NAPEPLD: variants seen among roughly 807,000 people sequenced by gnomAD.
NAPEPLD encodes the protein N-acyl phosphatidylethanolamine phospholipase D.
A neutral mutation model predicts 38.1 loss-of-function variants in NAPEPLD; 23 were observed. That is an observed-to-expected ratio of 0.60 (90% CI 0.43 to 0.86). NAPEPLD has a LOEUF of 0.86. Among genes scored for constraint, NAPEPLD ranks in the 40% least tolerant of loss-of-function variants. The pLI is 0.00. For synonymous variants in NAPEPLD, 147 were observed against 162.0 expected, an observed-to-expected ratio of 0.91 and a Z score of 0.71; for missense variants, 411 against 476.8, an observed-to-expected ratio of 0.86 and a Z score of 1.28.
At chr7:103,105,932 C>CAAAAA (rs1194781765) in intron 4 of NAPEPLD, among the ~76,000 whole-genome samples, 8 of 49,966 alleles carry the variant, frequency 1.6e-4, no homozygotes, top group African/African-American at 3.1e-4. Context: ...GACTCCGTCT[C>CAAAAA]AAAAAAAAAA....
intron 2 of NAPEPLD, among the ~76,000 whole-genome samples, chr7:103,121,297 T>C (rs967913320): frequency 6.6e-6 from 1 of 152,168 alleles, no homozygotes; most frequent in African/African-American, 2.4e-5. Flanking sequence ...AGTGGTAAGG[T>C]TGCAGCATCA....
rs1802398575 is a variant in NAPEPLD, at chr7:103,101,555, T to C, written c.*1874A>G. The C allele has an allele frequency of 6.6e-6, 1 of 152,654 alleles. No individual in the cohort carries two copies. Among genetic ancestry groups the C allele is most frequent in the Non-Finnish European group, 1.5e-5 (1 of 68,042 alleles). The allele number at this position is 152,654 out of a possible 1,614,324, so 9.5% of individuals were successfully genotyped here. A position where few individuals can be genotyped will look rare whatever the true frequency, so the allele number is the denominator to read the frequency against. On this transcript the variant is annotated 3_prime_UTR_variant, in exon 5 of 5. Coordinates refer to ENST00000465647, the MANE Select transcript of NAPEPLD (RefSeq NM_001122838.3). ...TTTAGCTTTCAAATATACCTGTCTATATTAGGCAGTGATATCTTAAGAAAT... is the reference window on the plus strand; with the variant it reads ...TTTAGCTTTCAAATATACCTGTCTACATTAGGCAGTGATATCTTAAGAAAT...
intron 2 of NAPEPLD, among the ~76,000 whole-genome samples, chr7:103,121,245 T>C (rs1283895180): frequency 6.6e-6 from 1 of 152,150 alleles, no homozygotes; most frequent in Non-Finnish European, 1.5e-5. Flanking sequence ...TATCCCTTGG[T>C]TATTCTACAT....
At chr7:103,125,915 AAT>A (rs1491529794) in intron 2 of NAPEPLD, among the ~76,000 whole-genome samples, 1 of 143,158 alleles carries the variant, frequency 7.0e-6, no homozygotes. Flanking sequence ...TAATAATAAT[AAT>A]AATAAATAAA....
At chr7:103,117,553 T>C (rs1009708757) in intron 3 of NAPEPLD, among the ~76,000 whole-genome samples, 4 of 152,246 alleles carry the variant, frequency 2.6e-5, no homozygotes, top group South Asian at 4.1e-4. Context: ...AAGCATATTA[T>C]TGAAAGTTGT....
chr7:103,120,210 T>A lies in NAPEPLD; in HGVS notation c.308A>T (p.Glu103Val). 2 of 1,613,080 alleles carry A rather than the reference T, an allele frequency of 1.2e-6. No individual in the cohort carries two copies. Among genetic ancestry groups the A allele is most frequent in the Middle Eastern group, 1.7e-4 (1 of 6,008 alleles). Residue 103 changes from glutamate (E) to valine (V), a missense_variant, in exon 3 of 5, where the codon GAA becomes GTA. Glu to Val is a moderately radical substitution (Grantham distance 121, BLOSUM62 -2). Transcript: ENST00000465647. ...AAAATATGGCTTAAGCACTGGGAGT[T>A]CTTTGTCTAGTTCCTTTGTGTATAA... ...VPSSKEELDK[E>V]LPVLKPYFIT...
intron 1 of NAPEPLD, among the ~76,000 whole-genome samples, chr7:103,139,437 C>T (rs934572998): frequency 6.6e-6 from 1 of 152,162 alleles, no homozygotes; most frequent in African/African-American, 2.4e-5. Context: ...TAAGGCATTT[C>T]CAAAACATAC....
Position 103,100,674 on chromosome 7 carries a change from AT to A in NAPEPLD, c.*2754del, listed in dbSNP as rs1322073937. 1 of 152,260 alleles carries A rather than the reference AT, an allele frequency of 6.6e-6. No homozygotes were observed. The highest frequency in any genetic ancestry group is 1.9e-4 in the East Asian group (1 of 5,204). 9.4% of individuals were successfully genotyped at this position (152,260 alleles called of 1,614,324 possible). A position where few individuals can be genotyped will look rare whatever the true frequency, so the allele number is the denominator to read the frequency against. On this transcript the variant is annotated 3_prime_UTR_variant, in exon 5 of 5. Transcript: ENST00000465647. ...GAGGAAAATGAAGTTGACTTAGAGG[AT>A]AAGACTGATTAAAAGACACTACAAT...
At position 103,099,777 on chromosome 7, in the gene NAPEPLD, A is replaced by T. The variant is rs921948388; in HGVS notation, c.*3652T>A. On this transcript the variant is annotated 3_prime_UTR_variant, in exon 5 of 5. Coordinates refer to ENST00000465647, the MANE Select transcript of NAPEPLD (RefSeq NM_001122838.3). ...AAAAATCACTTACAAGGTTATACATATTTTTTCCCTTGACAGTACTTTATT... is the reference window on the plus strand; with the variant it reads ...AAAAATCACTTACAAGGTTATACATTTTTTTTCCCTTGACAGTACTTTATT... 2.0e-5 allele frequency: 3 copies of T among 151,820 alleles called. No homozygotes were observed. The highest frequency in any genetic ancestry group is 3.2e-3 in the Middle Eastern group (1 of 316). The allele number at this position is 151,820 out of a possible 1,614,324, so 9.4% of individuals were successfully genotyped here.
In NAPEPLD at chr7:103,103,488, A is replaced by T. The variant is rs1475993368; in HGVS notation, c.1123T>A (p.Phe375Ile). The T allele has an allele frequency of 1.3e-6, 2 of 1,599,214 alleles. No homozygotes were observed. Among genetic ancestry groups the T allele is most frequent in the Non-Finnish European group, 1.7e-6 (2 of 1,176,318 alleles). ...GATTCTCCATGCTTCAAGACAAAAA[A>T]ATCTTCAGCGTTAAGTCCGTATCTC... is the stretch of plus-strand genomic sequence containing the variant. ...LERYGLNAED[F>I]FVLKHGESRY... The change falls in exon 5 of 5, where the codon TTT becomes ATT. Residue 375 changes from phenylalanine (F) to isoleucine (I), a missense_variant. Coordinates refer to ENST00000465647, the MANE Select transcript of NAPEPLD (RefSeq NM_001122838.3).
chr7:103,135,083 G>A (rs1162878325), intron 1 of NAPEPLD, among the ~76,000 whole-genome samples: 1 of 152,168 alleles, frequency 6.6e-6, no homozygotes, highest in African/African-American at 2.4e-5. Context: ...AAATTATGAA[G>A]CGGCAAATCA....
chr7:103,115,444 G>A (rs972568042), intron 3 of NAPEPLD: 1 of 297,780 alleles, frequency 3.4e-6, no homozygotes, highest in East Asian at 6.0e-5. Flanking sequence ...TACACTTTCT[G>A]CTGAAAAATA....
intron 3 of NAPEPLD, among the ~76,000 whole-genome samples, chr7:103,116,954 C>G (rs116685356): frequency 6.6e-6 from 1 of 152,192 alleles, no homozygotes; most frequent in Non-Finnish European, 1.5e-5. Flanking sequence ...TCTCCCAAAA[C>G]AGTAAACAAA....
At chr7:103,110,980 G>C (rs1465100218) in intron 4 of NAPEPLD, among the ~76,000 whole-genome samples, 1 of 152,148 alleles carries the variant, frequency 6.6e-6, no homozygotes, top group African/African-American at 2.4e-5. Flanking sequence ...CAGGCAAAGA[G>C]TCAAATCATG....
At chr7:103,106,677 G>A (rs540498614) in intron 4 of NAPEPLD, among the ~76,000 whole-genome samples, 128 of 151,680 alleles carry the variant, frequency 8.4e-4, no homozygotes, top group East Asian at 1.4e-3. Context: ...CAGCAAGGCC[G>A]CTGCAGCCAG....
At chr7:103,142,632 A>T (rs1811660144) in intron 1 of NAPEPLD, among the ~76,000 whole-genome samples, 1 of 152,070 alleles carries the variant, frequency 6.6e-6, no homozygotes, top group Admixed American at 6.5e-5. Context: ...ACTCAATCCA[A>T]CTGAGTCACA....
At chr7:103,142,872 G>T (rs1167883738) in intron 1 of NAPEPLD, among the ~76,000 whole-genome samples, 1 of 152,096 alleles carries the variant, frequency 6.6e-6, no homozygotes, top group African/African-American at 2.4e-5. Context: ...AAGCAAAAAT[G>T]ACCAGAAGAC....
chr7:103,112,149 TTGG>T (rs955332282), intron 4 of NAPEPLD, among the ~76,000 whole-genome samples: 4 of 152,182 alleles, frequency 2.6e-5, no homozygotes, highest in East Asian at 1.9e-4. Context: ...TTTTACACTG[TTGG>T]TGGGAGTGTA....
intron 1 of NAPEPLD, among the ~76,000 whole-genome samples, chr7:103,130,085 A>C (rs1808614619): frequency 6.6e-6 from 1 of 152,234 alleles, no homozygotes; most frequent in African/African-American, 2.4e-5. Flanking sequence ...ATTAGTTTAA[A>C]TACAGTGCAC....
Sources: gnomAD v4.1 joint callset for allele counts (sites outside exome capture counted in the v4.1 genomes callset) on GRCh38, gnomAD v4.1.1 for gene constraint, MANE v1.5 for transcripts, NCBI Gene and HGNC (gene_info 2026-07-23, HGNC 2026-07-21) for gene names.